Variants in OSBPL8 observed in about 807,000 individuals in gnomAD.
OSBPL8 encodes the protein oxysterol-binding protein-related protein 8.
OSBPL8 carries 59 observed loss-of-function variants against 125.5 expected under a neutral mutation model. The observed-to-expected ratio is 0.47, with a 90% CI of 0.38 to 0.58. The LOEUF (loss-of-function observed/expected upper bound fraction) is 0.58. OSBPL8 is among the 20% of genes least tolerant of loss of function. The probability of loss-of-function intolerance (pLI) is 0.00; values close to 1 mark genes in which losing one functional copy is unlikely to be tolerated. For synonymous variants in OSBPL8, 330 were observed against 338.9 expected (o/e 0.97, Z 0.29); for missense variants, 758 against 1,047.8 (o/e 0.72, Z 3.82).
intron 15 of OSBPL8, among the ~76,000 whole-genome samples, chr12:76,382,891 T>C (rs753641056): frequency 3.3e-5 from 5 of 152,182 alleles, no homozygotes; most frequent in Admixed American, 2.0e-4. Flanking sequence ...ATAGAAAATT[T>C]TGCTATCTCT....
intron 1 of OSBPL8, among the ~76,000 whole-genome samples, chr12:76,491,731 C>T (rs1315903965): frequency 3.3e-5 from 5 of 152,110 alleles, no homozygotes; most frequent in Admixed American, 1.3e-4. Context: ...ACTAATACTG[C>T]CAACTCAATT....
chr12:76,416,663 T>C (rs140103345), intron 4 of OSBPL8, among the ~76,000 whole-genome samples: 69 of 152,106 alleles, frequency 4.5e-4, no homozygotes, highest in African/African-American at 1.7e-3. Context: ...TGCATTGCTT[T>C]TTATCCCTAG....
chr12:76,376,620 A>G (rs1379600176), intron 16 of OSBPL8, among the ~76,000 whole-genome samples: 1 of 152,218 alleles, frequency 6.6e-6, no homozygotes, highest in East Asian at 1.9e-4. Flanking sequence ...TAAATGATAG[A>G]AAATTTAAAA....
intron 23 of OSBPL8, among the ~76,000 whole-genome samples, chr12:76,356,271 A>G (rs1951982947): frequency 6.6e-6 from 1 of 152,148 alleles, no homozygotes; most frequent in Non-Finnish European, 1.5e-5. Flanking sequence ...ATGCATTCCA[A>G]TGAAATAACA....
intron 1 of OSBPL8, among the ~76,000 whole-genome samples, chr12:76,558,390 T>C (rs1951172777): frequency 6.6e-6 from 1 of 152,160 alleles, no homozygotes; most frequent in Admixed American, 6.5e-5. Flanking sequence ...TTGCTCTCTC[T>C]AGATACGAAG....
chr12:76,529,588 G>A (rs1371720634), intron 1 of OSBPL8, among the ~76,000 whole-genome samples: 1 of 151,448 alleles, frequency 6.6e-6, no homozygotes, highest in Non-Finnish European at 1.5e-5. Flanking sequence ...TATTAAAACA[G>A]TAGATCTGTA....
At chr12:76,531,861 C>A (rs946957470) in intron 1 of OSBPL8, among the ~76,000 whole-genome samples, 1 of 151,920 alleles carries the variant, frequency 6.6e-6, no homozygotes, top group African/African-American at 2.4e-5. Context: ...CACGGTGAAA[C>A]CCCATCTCTA....
intron 1 of OSBPL8, among the ~76,000 whole-genome samples, chr12:76,506,772 A>G (rs1230689693): frequency 1.3e-5 from 2 of 152,202 alleles, no homozygotes; most frequent in African/African-American, 2.4e-5. Flanking sequence ...CTGGGGGCTT[A>G]AAGTATAAGT....
intron 1 of OSBPL8, among the ~76,000 whole-genome samples, chr12:76,522,955 A>C (rs1036719625): frequency 3.3e-5 from 5 of 152,184 alleles, no homozygotes; most frequent in Admixed American, 2.6e-4. Context: ...TTCCTACCTC[A>C]GCCTCCCAAG....
chr12:76,483,921 C>A (rs1052058111), intron 2 of OSBPL8, among the ~76,000 whole-genome samples: 2 of 151,924 alleles, frequency 1.3e-5, no homozygotes. Context: ...GTGATCTGTA[C>A]GCCTCGGCCT....
At chr12:76,490,276 C>T (rs1271212416) in intron 1 of OSBPL8, among the ~76,000 whole-genome samples, 1 of 152,224 alleles carries the variant, frequency 6.6e-6, no homozygotes, top group African/African-American at 2.4e-5. Context: ...ACCCTCAAGT[C>T]GAAAAGCGTG....
At position 76,358,759 on chromosome 12, in the gene OSBPL8, G is replaced by A. The variant is rs756757840; in HGVS notation, c.2381C>T (p.Ala794Val). 3 of 1,613,946 alleles carry A rather than the reference G, an allele frequency of 1.9e-6. No homozygotes were observed. Among genetic ancestry groups the A allele is most frequent in the Admixed American group, 1.7e-5 (1 of 59,994 alleles). The change falls in exon 22 of 24, where the codon GCA (alanine) becomes GTA (valine). Residue 794 changes from alanine to valine, a missense_variant. By Grantham distance (64) the Ala-to-Val change is moderately conservative. Transcript: ENST00000261183. The part of the protein sequence containing the change: ...HKPTRQQKKV[A>V]KGYSSPEPDI... ...AGGTTCTGGGGAGGAATAGCCTTTT[G>A]CTACTTTCTTCTGTTGCCTGGTTGG...
intron 1 of OSBPL8, among the ~76,000 whole-genome samples, chr12:76,509,635 C>T (rs1198848756): frequency 1.3e-5 from 2 of 151,998 alleles, no homozygotes; most frequent in Non-Finnish European, 2.9e-5. Context: ...CATTCTAATA[C>T]TACCACTATA....
chr12:76,416,281 A>G (rs74103427), intron 4 of OSBPL8, among the ~76,000 whole-genome samples: 6,575 of 152,146 alleles, frequency 0.043, 508 homozygotes, highest in African/African-American at 0.15. Context: ...TATGTTCTGA[A>G]TAATTTTAAT....
At chr12:76,362,592 G>C (rs1032217267) in intron 21 of OSBPL8, among the ~76,000 whole-genome samples, 1 of 152,118 alleles carries the variant, frequency 6.6e-6, no homozygotes, top group Non-Finnish European at 1.5e-5. Flanking sequence ...GTGGGCAAAA[G>C]CTGGAAGCAT....
intron 4 of OSBPL8, among the ~76,000 whole-genome samples, chr12:76,424,831 ATT>A (rs1230276931): frequency 6.6e-6 from 1 of 152,062 alleles, no homozygotes; most frequent in East Asian, 1.9e-4. Flanking sequence ...GAAAAGGGGT[ATT>A]TTAAAAAAAT....
At chr12:76,400,022 C>A in intron 6 of OSBPL8, 48 bp from the exon 7 acceptor site, 1 of 1,423,450 alleles carries the variant, frequency 7.0e-7, no homozygotes, top group South Asian at 1.3e-5. Flanking sequence ...CAGAAATGAG[C>A]AATTTATTTT....
chr12:76,544,827 T>G (rs534134464), intron 1 of OSBPL8, among the ~76,000 whole-genome samples: 1 of 151,990 alleles, frequency 6.6e-6, no homozygotes, highest in South Asian at 2.1e-4. Flanking sequence ...ACATGTTACT[T>G]AAACACTGAG....
At chr12:76,403,319 C>T (rs867780200) in intron 5 of OSBPL8, among the ~76,000 whole-genome samples, 21 of 152,190 alleles carry the variant, frequency 1.4e-4, no homozygotes, top group African/African-American at 4.8e-4. Context: ...GATTTCCTCA[C>T]TAAATTATTC....
Sources: allele counts gnomAD v4.1 joint callset (sites outside exome capture counted in the v4.1 genomes callset), GRCh38; gene constraint gnomAD v4.1.1; transcripts MANE v1.5; gene names NCBI Gene and HGNC (gene_info 2026-07-23, HGNC 2026-07-21).